Variants in VTI1A observed in about 807,000 individuals in gnomAD.
The protein encoded by VTI1A is vesicle transport through interaction with t-SNAREs homolog 1A.
Under a neutral mutation model 34.9 loss-of-function variants are expected in VTI1A, and 22 were observed. The observed-to-expected ratio is 0.63, with a 90% CI of 0.45 to 0.90. The LOEUF (loss-of-function observed/expected upper bound fraction) is 0.90. Ranked by LOEUF, VTI1A falls within the 40% of genes least tolerant of loss-of-function variation. The pLI is 0.00. For missense variants in VTI1A, 268 were observed against 275.6 expected (o/e 0.97, Z 0.20); for synonymous variants, 87 against 97.3 (o/e 0.89, Z 0.62).
intron 4 of VTI1A, among the ~76,000 whole-genome samples, chr10:112,530,261 A>G (rs965804069): frequency 6.6e-6 from 1 of 152,200 alleles, no homozygotes; most frequent in Non-Finnish European, 1.5e-5. Context: ...TCCAAGGATT[A>G]CTGTCTTAAG....
intron 7 of VTI1A, among the ~76,000 whole-genome samples, chr10:112,772,134 T>C (rs577041907): frequency 6.6e-6 from 1 of 152,358 alleles, no homozygotes; most frequent in African/African-American, 2.4e-5. Context: ...GCAAACTGCT[T>C]TCCAAAGCAG....
downstream of VTI1A, among the ~76,000 whole-genome samples, chr10:112,820,918 C>T (rs540224330): frequency 6.6e-6 from 1 of 152,046 alleles, no homozygotes; most frequent in Non-Finnish European, 1.5e-5. Context: ...GCAAGTAGGC[C>T]CCCTTGAGCT....
chr10:112,728,672 GA>G (rs1179785389), intron 7 of VTI1A, among the ~76,000 whole-genome samples: 1 of 152,126 alleles, frequency 6.6e-6, no homozygotes, highest in African/African-American at 2.4e-5. Flanking sequence ...AAAAAAAATA[GA>G]ATCATACTTG....
At chr10:112,805,711 CAA>C (rs1040694979) in intron 7 of VTI1A, among the ~76,000 whole-genome samples, 2 of 152,124 alleles carry the variant, frequency 1.3e-5, no homozygotes, top group African/African-American at 2.4e-5. Flanking sequence ...CTTGTGAAAA[CAA>C]AGGCAGAGAT....
intron 7 of VTI1A, among the ~76,000 whole-genome samples, chr10:112,732,329 G>A (rs1850294927): frequency 6.6e-6 from 1 of 152,050 alleles, no homozygotes; most frequent in Non-Finnish European, 1.5e-5. Flanking sequence ...CTACTTCCTG[G>A]CCAGGCCAGC....
intron 3 of VTI1A, among the ~76,000 whole-genome samples, chr10:112,526,382 T>C (rs1850224448): frequency 6.6e-6 from 1 of 152,216 alleles, no homozygotes. Context: ...CTTGCCTTTA[T>C]TTACTGTGAC....
chr10:112,462,894 GTTTTTATTTATT>G lies in VTI1A; in HGVS notation c.154-1651_154-1640del, dbSNP rs565487541. 9.5e-3 allele frequency among the ~76,000 whole-genome samples: 1,363 copies of G among 142,934 alleles called. 16 individuals carry two copies. Among genetic ancestry groups the G allele is most frequent in the African/African-American group, 0.033 (1,305 of 39,200 alleles). The allele number at this position is 142,934 out of a possible 152,430, so 93.8% of individuals were successfully genotyped here. On this transcript the variant is annotated intron_variant, in intron 2 of 7. Coordinates refer to ENST00000393077, the MANE Select transcript of VTI1A (RefSeq NM_145206.4). ...CTGGGCCAATTTGTTGTTGTTACTG[GTTTTTATTTATT>G]TATTTATTTATTTATTTATTTATTT...
intron 1 of VTI1A, among the ~76,000 whole-genome samples, chr10:112,452,942 G>A (rs114697679): frequency 0.14 from 10,465 of 76,338 alleles, 367 homozygotes; most frequent in Non-Finnish European, 0.16. Context: ...TTCAGATTTC[G>A]TTTTGTTCTG....
At chr10:112,764,726 A>G (rs1851590907) in intron 7 of VTI1A, among the ~76,000 whole-genome samples, 1 of 152,180 alleles carries the variant, frequency 6.6e-6, no homozygotes, top group African/African-American at 2.4e-5. Context: ...TTAATTCTAC[A>G]TCAATTAATT....
intron 5 of VTI1A, among the ~76,000 whole-genome samples, chr10:112,585,636 A>G (rs991546646): frequency 1.3e-5 from 2 of 151,172 alleles, no homozygotes; most frequent in Non-Finnish European, 2.9e-5. Flanking sequence ...CAAGTGGTAC[A>G]GAGAAACAAC....
chr10:112,737,098 G>C, intron 7 of VTI1A: 1 of 318,240 alleles, frequency 3.1e-6, no homozygotes. Flanking sequence ...TTGAGACAGA[G>C]TCTTGCCCTG....
intron 5 of VTI1A, among the ~76,000 whole-genome samples, chr10:112,563,338 A>T (rs1222705989): frequency 6.6e-6 from 1 of 152,212 alleles, no homozygotes; most frequent in Non-Finnish European, 1.5e-5. Flanking sequence ...TACTAAGTTC[A>T]ACTTGCAGAC....
intron 4 of VTI1A, 71 bp from the exon 5 acceptor site, chr10:112,538,175 T>A (rs965620129): frequency 2.1e-6 from 3 of 1,433,626 alleles, no homozygotes; most frequent in Admixed American, 1.9e-5. Flanking sequence ...GAAGGCATTT[T>A]TTTTTTAAGG....
rs189026524 is a variant in VTI1A at position 112,496,199 on chromosome 10, C to A, written c.265-30888C>A. Among the ~76,000 whole-genome samples the A allele has an allele frequency of 9.3e-4, 108 of 116,362 alleles. 18 individuals carry two copies. The highest frequency in any genetic ancestry group is 7.1e-3 in the Admixed American group (79 of 11,066). 76.3% of individuals were successfully genotyped at this position (116,362 alleles called of 152,430 possible). ...CAAATGGGGAGACCCCCCCCCCCCC[C>A]CCGCCGTCTCTAAACAAAATAAAAA... On this transcript the variant is annotated intron_variant, in intron 3 of 7. Transcript: ENST00000393077.
rs1554965467 is a variant in VTI1A, at chr10:112,811,710, A to AAG, written c.561-3579_561-3578insGA. Among the ~76,000 whole-genome samples, 16 of 15,278 alleles carry AAG rather than the reference A, an allele frequency of 1.0e-3. 3 individuals are homozygous for AAG. The South Asian group carries it at 0.012, about 11-fold the overall frequency. The allele number at this position is 15,278 out of a possible 152,430, so 10.0% of individuals were successfully genotyped here. A position where few individuals can be genotyped will look rare whatever the true frequency, so the allele number is the denominator to read the frequency against. On this transcript the variant is annotated intron_variant, in intron 7 of 7. Transcript: ENST00000393077. ...AAAAAAAAAAAAAAAAAAAAAAAAA[A>AAG]AAGAGTGCAGTCCATGCCTGGAAGT...
At chr10:112,729,363 A>G (rs1313425375) in intron 7 of VTI1A, among the ~76,000 whole-genome samples, 1 of 152,242 alleles carries the variant, frequency 6.6e-6, no homozygotes, top group African/African-American at 2.4e-5. Context: ...ATGTTTTCAT[A>G]GCCCTAAACA....
intron 5 of VTI1A, among the ~76,000 whole-genome samples, chr10:112,582,464 A>G (rs567821899): frequency 4.6e-5 from 7 of 152,164 alleles, no homozygotes; most frequent in Non-Finnish European, 4.4e-5. Flanking sequence ...GCTGTTAAGT[A>G]TGGAAATTGT....
At chr10:112,464,812 A>G in intron 3 of VTI1A, 155 bp downstream of exon 3, 1 of 646,100 alleles carries the variant, frequency 1.5e-6, no homozygotes, top group South Asian at 2.0e-5. Context: ...AAAAATGGTT[A>G]TAGAGATAGC....
chr10:112,782,319 C>T (rs930223151), intron 7 of VTI1A, among the ~76,000 whole-genome samples: 1 of 152,228 alleles, frequency 6.6e-6, no homozygotes, highest in African/African-American at 2.4e-5. Flanking sequence ...AACCTCACGC[C>T]GACTTGGAGG....
Sources: allele counts gnomAD v4.1 joint callset (sites outside exome capture counted in the v4.1 genomes callset), GRCh38; gene constraint gnomAD v4.1.1; transcripts MANE v1.5; gene names NCBI Gene and HGNC (gene_info 2026-07-23, HGNC 2026-07-21).